GFRA4: variants seen among roughly 807,000 people sequenced by gnomAD.
GFRA4 encodes the protein GDNF family receptor alpha 4.
GFRA4 carries 31 observed loss-of-function variants against 28.5 expected under a neutral mutation model. The observed-to-expected ratio is 1.09, with a 90% CI of 0.82 to 1.47. The LOEUF is 1.47. Ranked by LOEUF, GFRA4 falls within the 40% of genes most tolerant of loss-of-function variation. The pLI, the probability that GFRA4 is intolerant of heterozygous loss-of-function variation, is 0.00. For synonymous variants in GFRA4, 188 were observed against 188.0 expected (o/e 1.00, Z 0.00); for missense variants, 389 against 413.2 (o/e 0.94, Z 0.51).
intron 1 of GFRA4, among the ~76,000 whole-genome samples, chr20:3,661,572 A>G (rs905516224): frequency 2.2e-4 from 34 of 151,718 alleles, no homozygotes; most frequent in Admixed American, 5.2e-4. Flanking sequence ...CATCGCCACC[A>G]TTTCTCCAGA....
rs757164309 is a variant in GFRA4 at position 3,660,648 on chromosome 20, G to T, written c.515C>A (p.Thr172Asn). The T allele has an allele frequency of 6.4e-7, 1 of 1,550,644 alleles. No homozygotes were observed. The highest frequency in any genetic ancestry group is 8.7e-7 in the Non-Finnish European group (1 of 1,147,432). Reference protein sequence around the residue: ...AYAGLVGTAVTPNYVDNVSAR... With the variant: ...AYAGLVGTAVNPNYVDNVSAR... ...GCTCACGTTGTCCACGTAGTTAGGG[G>T]TGACGGCGGTGCCTGCGGGGACCCT... is the stretch of plus-strand genomic sequence containing the variant. The change falls in exon 4 of 6, where the codon ACC (threonine) becomes AAC (asparagine). Residue 172 changes from threonine (T) to asparagine (N), a missense_variant. By Grantham distance (65) the Thr-to-Asn change is moderately conservative (BLOSUM62 0). Coordinates refer to ENST00000290417, the MANE Select transcript of GFRA4 (RefSeq NM_022139.4).
rs2087196921 is a variant in GFRA4, at chr20:3,659,822, C to G, written c.*87G>C. The G allele has an allele frequency of 4.6e-6, 6 of 1,316,020 alleles. No individual in the cohort carries two copies. In the Admixed American group the frequency reaches 1.2e-4, roughly 27 times the overall value. The allele number at this position is 1,316,020 out of a possible 1,614,324, so 81.5% of individuals were successfully genotyped here. The stretch of plus-strand genomic sequence containing the variant: ...GGCCGGCTTGGGGGGTAAGCCAGCC[C>G]CTTCTCAAGGGGCCAGTAGGCCACA... On this transcript the variant is annotated 3_prime_UTR_variant, in exon 6 of 6. Transcript: ENST00000290417.
In GFRA4 at chr20:3,661,014, A is replaced by G; in HGVS notation, c.322T>C (p.Ser108Pro). The G allele has an allele frequency of 6.8e-7, 1 of 1,463,942 alleles. No individual in the cohort carries two copies. Among genetic ancestry groups the G allele is most frequent in the South Asian group, 1.3e-5 (1 of 77,480 alleles). 90.7% of individuals were successfully genotyped at this position (1,463,942 alleles called of 1,614,324 possible). Residue 108 changes from serine to proline, a missense_variant, in exon 2 of 6, where the codon TCG becomes CCG. Coordinates refer to ENST00000290417, the MANE Select transcript of GFRA4 (RefSeq NM_022139.4). The stretch of plus-strand genomic sequence containing the variant: ...GAGGGCGGCGCGGGGCCGGGCCCCG[A>G]AAAGGCGCAGGAGGGCACGAAGGTC... The part of the protein sequence containing the change: ...RQTFVPSCAF[S>P]GPGPAPPSCL...
rs746450973 is a variant in GFRA4 at position 3,663,360 on chromosome 20, A to ACAG, written c.37_39dup (p.Leu15dup). ...GGAAGAGAGGGGCGCTCACCCAGTAACAGCAGCAGCAGCAGCGCAGGCCCC... is the reference window on the plus strand; with the variant it reads ...GGAAGAGAGGGGCGCTCACCCAGTAACAGCAGCAGCAGCAGCAGCGCAGGCCCC... On this transcript the variant is annotated inframe_insertion, in exon 1 of 6. Transcript: ENST00000290417. The ACAG allele has an allele frequency of 4.9e-5, 79 of 1,610,540 alleles. No individual in the cohort carries two copies. Among genetic ancestry groups the ACAG allele is most frequent in the East Asian group, 4.2e-4 (19 of 44,804 alleles).
chr20:3,660,741 C>T lies in GFRA4; in HGVS notation c.502+14G>A. On this transcript the variant is annotated intron_variant, in intron 3 of 5. Coordinates refer to ENST00000290417, the MANE Select transcript of GFRA4 (RefSeq NM_022139.4). ...GAGAACCCCCGCCCTCGCCCGGATC[C>T]CGGCCGCGCGTACCCACGAGGCCCG... 1 of 1,434,970 alleles carries T rather than the reference C, an allele frequency of 7.0e-7. No homozygotes were observed. The highest frequency in any genetic ancestry group is 9.1e-7 in the Non-Finnish European group (1 of 1,099,972). The allele number at this position is 1,434,970 out of a possible 1,614,324, so 88.9% of individuals were successfully genotyped here. A position where few individuals can be genotyped will look rare whatever the true frequency, so the allele number is the denominator to read the frequency against.
Position 3,660,512 on chromosome 20 carries a change from C to CA in GFRA4, c.637+13_637+14insT, listed in dbSNP as rs963348517. The CA allele has an allele frequency of 6.5e-7, 1 of 1,546,692 alleles. No individual in the cohort carries two copies. Among genetic ancestry groups the CA allele is most frequent in the African/African-American group, 1.4e-5 (1 of 72,964 alleles). ...CGCCCCCACTCCCCCTCCACTCCCC[C>CA]CCGGGCCCCTCACCCAAGCAGCGGT... On this transcript the variant is annotated intron_variant, in intron 4 of 5. Transcript: ENST00000290417.
At chr20:3,660,914 C>T in intron 2 of GFRA4, 30 bp downstream of exon 2, 1 of 1,379,612 alleles carries the variant, frequency 7.2e-7, no homozygotes, top group Non-Finnish European at 9.3e-7. Context: ...TCCCCACCCT[C>T]GCCACGGCCC....
At chr20:3,662,341 C>T (rs140633044) in intron 1 of GFRA4, among the ~76,000 whole-genome samples, 2 of 152,310 alleles carry the variant, frequency 1.3e-5, no homozygotes, top group Non-Finnish European at 2.9e-5. Context: ...ATCGAATCCC[C>T]CCCAGCCTCC....
At chr20:3,663,262 T>C in intron 1 of GFRA4, 92 bp downstream of exon 1, 2 of 1,471,884 alleles carry the variant, frequency 1.4e-6, no homozygotes, top group South Asian at 2.4e-5. Context: ...GGTTCAGCTT[T>C]TCCTGGAATA....
Position 3,660,647 on chromosome 20 carries a change from G to C in GFRA4, c.516C>G (p.Thr172=). The C allele has an allele frequency of 6.4e-7, 1 of 1,550,556 alleles. No individual in the cohort carries two copies. The highest frequency in any genetic ancestry group is 8.7e-7 in the Non-Finnish European group (1 of 1,147,382). Residue 172 remains threonine (T), a synonymous_variant, in exon 4 of 6, where the codon ACC becomes ACG. Coordinates refer to ENST00000290417, the MANE Select transcript of GFRA4 (RefSeq NM_022139.4). ...AYAGLVGTAV[T]PNYVDNVSAR... is the part of the protein sequence containing the mutation. Reference sequence around the variant, plus strand: ...CGCTCACGTTGTCCACGTAGTTAGGGGTGACGGCGGTGCCTGCGGGGACCC... The same window carrying C: ...CGCTCACGTTGTCCACGTAGTTAGGCGTGACGGCGGTGCCTGCGGGGACCC...
At position 3,659,744 on chromosome 20, in the gene GFRA4, G is replaced by A. The variant is rs923056602; in HGVS notation, c.*165C>T. 2.5e-5 allele frequency: 16 copies of A among 649,238 alleles called. No homozygotes were observed. The Admixed American group carries it at 3.3e-4, about 13-fold the overall frequency. The allele number at this position is 649,238 out of a possible 1,614,324, so 40.2% of individuals were successfully genotyped here. ...CCAGCCTACATCCCTTGCCCCAGGGGACGGCACACAGGGTGTCCAAACCTA... is the reference window on the plus strand; with the variant it reads ...CCAGCCTACATCCCTTGCCCCAGGGAACGGCACACAGGGTGTCCAAACCTA... On this transcript the variant is annotated 3_prime_UTR_variant, in exon 6 of 6. Coordinates refer to ENST00000290417, the MANE Select transcript of GFRA4 (RefSeq NM_022139.4).
chr20:3,660,092 G>A, intron 5 of GFRA4, 66 bp downstream of exon 5: 1 of 1,519,682 alleles, frequency 6.6e-7, no homozygotes, highest in Non-Finnish European at 8.9e-7. Context: ...AGGCCCACCA[G>A]GGACGGAAGG....
At position 3,659,796 on chromosome 20, in the gene GFRA4, G is replaced by A. The variant is rs2087196183; in HGVS notation, c.*113C>T. 2 of 1,020,608 alleles carry A rather than the reference G, an allele frequency of 2.0e-6. No individual in the cohort carries two copies. The highest frequency in any genetic ancestry group is 1.5e-6 in the Non-Finnish European group (1 of 683,702). 63.2% of individuals were successfully genotyped at this position (1,020,608 alleles called of 1,614,324 possible). A position where few individuals can be genotyped will look rare whatever the true frequency, so the allele number is the denominator to read the frequency against. ...AAAGGGCAGCGGAGTGAAAGCACCAGGGCCGGCTTGGGGGGTAAGCCAGCC... is the reference window on the plus strand; with the variant it reads ...AAAGGGCAGCGGAGTGAAAGCACCAAGGCCGGCTTGGGGGGTAAGCCAGCC... On this transcript the variant is annotated 3_prime_UTR_variant, in exon 6 of 6. Transcript: ENST00000290417.
At chr20:3,662,419 G>A (rs75532099) in intron 1 of GFRA4, among the ~76,000 whole-genome samples, 4,082 of 152,266 alleles carry the variant, frequency 0.027, 77 homozygotes, top group Non-Finnish European at 0.037. Flanking sequence ...CTGAGTGGAC[G>A]TGCACAGCCT....
Position 3,660,513 on chromosome 20 carries a change from C to G in GFRA4, c.637+13G>C, listed in dbSNP as rs775578279. The G allele has an allele frequency of 1.2e-4, 182 of 1,547,170 alleles. No individual in the cohort carries two copies. The highest frequency in any genetic ancestry group is 2.0e-4 in the Middle Eastern group (1 of 4,984). ...GCCCCCACTCCCCCTCCACTCCCCC[C>G]CGGGCCCCTCACCCAAGCAGCGGTT... On this transcript the variant is annotated intron_variant, in intron 4 of 5. Transcript: ENST00000290417.
chr20:3,659,597 C>T lies in GFRA4; in HGVS notation c.*312G>A, dbSNP rs1012262793. The T allele has an allele frequency of 2.3e-5, 10 of 435,268 alleles. No individual in the cohort carries two copies. The highest frequency in any genetic ancestry group is 4.1e-5 in the African/African-American group (2 of 48,798). 27.0% of individuals were successfully genotyped at this position (435,268 alleles called of 1,614,324 possible). On this transcript the variant is annotated 3_prime_UTR_variant, in exon 6 of 6. Transcript: ENST00000290417. Reference sequence around the variant, plus strand: ...TGGGTCTCCAGAGAGGTCTCAGCTACAAAAGTGACCCTCTCCTGACCCCAC... The same window carrying T: ...TGGGTCTCCAGAGAGGTCTCAGCTATAAAAGTGACCCTCTCCTGACCCCAC...
intron 4 of GFRA4, 53 bp from the exon 5 acceptor site, chr20:3,660,302 C>G: frequency 6.2e-6 from 9 of 1,442,442 alleles, no homozygotes; most frequent in Non-Finnish European, 8.6e-6. Context: ...TAGCACAGGG[C>G]TCAGCACAGG....
Position 3,659,807 on chromosome 20 carries a change from G to C in GFRA4, c.*102C>G, listed in dbSNP as rs372535900. On this transcript the variant is annotated 3_prime_UTR_variant, in exon 6 of 6. Transcript: ENST00000290417. ...GAGTGAAAGCACCAGGGCCGGCTTG[G>C]GGGGTAAGCCAGCCCCTTCTCAAGG... The C allele has an allele frequency of 1.5e-5, 17 of 1,141,022 alleles. No homozygotes were observed. In the East Asian group the frequency reaches 1.5e-4, roughly 10 times the overall value. 70.7% of individuals were successfully genotyped at this position (1,141,022 alleles called of 1,614,324 possible).
In GFRA4 at chr20:3,659,638, A is replaced by T. The variant is rs2087194684; in HGVS notation, c.*271T>A. On this transcript the variant is annotated 3_prime_UTR_variant, in exon 6 of 6. Transcript: ENST00000290417. ...CTGACCCCACCTTGTGGGAGACCCC[A>T]GTGGTCTCAAGGTCTGTGAATAAAG... is the stretch of plus-strand genomic sequence containing the variant. 1.9e-6 allele frequency: 1 copy of T among 521,250 alleles called. No homozygotes were observed. Among genetic ancestry groups the T allele is most frequent in the Middle Eastern group, 5.2e-4 (1 of 1,924 alleles). 32.3% of individuals were successfully genotyped at this position (521,250 alleles called of 1,614,324 possible).
Sources: gnomAD v4.1 joint callset for allele counts (sites outside exome capture counted in the v4.1 genomes callset) on GRCh38, gnomAD v4.1.1 for gene constraint, MANE v1.5 for transcripts, NCBI Gene and HGNC (gene_info 2026-07-23, HGNC 2026-07-21) for gene names.